Variants in DIAPH2 observed in about 807,000 individuals in gnomAD.
The protein encoded by DIAPH2 is diaphanous related formin 2, also known as protein diaphanous homolog 2.
In DIAPH2, 35 loss-of-function variants were observed where a neutral mutation model predicts 92.7. The observed-to-expected ratio is 0.38, with a 90% CI of 0.29 to 0.50. The LOEUF is 0.50. DIAPH2 is among the 20% of genes least tolerant of loss of function. DIAPH2 has a pLI of 0.94. For missense variants in DIAPH2, 701 were observed against 819.5 expected, an observed-to-expected ratio of 0.86 and a Z score of 1.77; for synonymous variants, 301 against 280.4, an observed-to-expected ratio of 1.07 and a Z score of -0.73.
intron 5 of DIAPH2, among the ~76,000 whole-genome samples, chrX:96,892,565 T>A (rs1223743556): frequency 8.9e-6 from 1 of 112,042 alleles, no homozygotes; most frequent in Non-Finnish European, 1.9e-5. Flanking sequence ...ATGGAAATTT[T>A]AATTATATAC....
At chrX:97,509,605 C>T (rs1223845265) in intron 26 of DIAPH2, among the ~76,000 whole-genome samples, 1 of 102,748 alleles carries the variant, frequency 9.7e-6, no homozygotes, top group African/African-American at 3.6e-5. Flanking sequence ...TGTGCTGCAC[C>T]CATTAACTCG....
At chrX:97,235,039 G>GA (rs1228918228) in intron 22 of DIAPH2, among the ~76,000 whole-genome samples, 1 of 112,386 alleles carries the variant, frequency 8.9e-6, no homozygotes, top group Non-Finnish European at 1.9e-5. Flanking sequence ...CAGAACACTT[G>GA]AAAGTCTCTG....
At chrX:97,338,436 T>A (rs950806568) in intron 23 of DIAPH2, among the ~76,000 whole-genome samples, 2 of 112,216 alleles carry the variant, frequency 1.8e-5, no homozygotes, top group Non-Finnish European at 3.8e-5. Context: ...GAAAAATTCA[T>A]GTTTTGTTTT....
At chrX:97,271,513 T>C (rs2068385943) in intron 23 of DIAPH2, among the ~76,000 whole-genome samples, 1 of 111,190 alleles carries the variant, frequency 9.0e-6, no homozygotes, top group African/African-American at 3.3e-5. Flanking sequence ...TACTGATCAG[T>C]CTTCAACTCT....
At chrX:97,339,273 G>C (rs964834497) in intron 23 of DIAPH2, among the ~76,000 whole-genome samples, 3 of 111,025 alleles carry the variant, frequency 2.7e-5, no homozygotes, top group Non-Finnish European at 5.7e-5. Context: ...AGCACTGAGA[G>C]GCCTGGGTGG....
intron 22 of DIAPH2, among the ~76,000 whole-genome samples, chrX:97,154,615 C>G (rs1234064940): frequency 1.8e-5 from 2 of 111,051 alleles, no homozygotes; most frequent in Non-Finnish European, 3.8e-5. Context: ...TAGTAACATA[C>G]ATTATGATGA....
intron 17 of DIAPH2, among the ~76,000 whole-genome samples, chrX:97,038,532 CT>C (rs756037796): frequency 0.012 from 1,163 of 94,453 alleles, 15 homozygotes; most frequent in African/African-American, 0.039. Flanking sequence ...TGTTTTTTGA[CT>C]TTTTTTTTTT....
intron 5 of DIAPH2, among the ~76,000 whole-genome samples, chrX:96,889,234 G>A (rs1469722486): frequency 1.8e-5 from 2 of 110,941 alleles, no homozygotes; most frequent in South Asian, 3.7e-4. Context: ...TTAAAAGATC[G>A]TCTGAAATTC....
chrX:97,312,109 T>A (rs1350062729), intron 23 of DIAPH2, among the ~76,000 whole-genome samples: 1 of 110,593 alleles, frequency 9.0e-6, no homozygotes, highest in Non-Finnish European at 1.9e-5. Flanking sequence ...ATTACAGGCG[T>A]GAGCCACCAT....
chrX:96,789,489 A>G (rs751675603), intron 4 of DIAPH2, among the ~76,000 whole-genome samples: 1 of 112,176 alleles, frequency 8.9e-6, no homozygotes. Flanking sequence ...GCCTTTCTAT[A>G]AATAGCAGTA....
intron 24 of DIAPH2, among the ~76,000 whole-genome samples, chrX:97,355,927 A>G (rs2069262370): frequency 8.9e-6 from 1 of 111,810 alleles, no homozygotes; most frequent in Non-Finnish European, 1.9e-5. Flanking sequence ...AAAACAGACA[A>G]AGCCCCTGCC....
rs752992736 is a variant in DIAPH2 at position 96,705,984 on chromosome X, C to T, written c.132+20794C>T. 3.6e-5 allele frequency among the ~76,000 whole-genome samples: 4 copies of T among 112,247 alleles called. No homozygotes were observed. In the East Asian group the frequency reaches 1.1e-3, roughly 31 times the overall value. On this transcript the variant is annotated intron_variant, in intron 1 of 26. Transcript: ENST00000324765. Reference sequence around the variant, plus strand: ...GGCAGCCCTGCAAGTCATACCTGGCCCATAGATTTGTTTGGTTTGGCTTTC... The same window carrying T: ...GGCAGCCCTGCAAGTCATACCTGGCTCATAGATTTGTTTGGTTTGGCTTTC...
chrX:96,907,960 C>T (rs774820700), intron 5 of DIAPH2, among the ~76,000 whole-genome samples: 38 of 111,627 alleles, frequency 3.4e-4, no homozygotes, highest in Non-Finnish European at 6.2e-4. Flanking sequence ...ATACATGCAA[C>T]GAAATGGTTG....
In DIAPH2 at chrX:97,216,181, A is replaced by G. The variant is rs985744124; in HGVS notation, c.2720-31534A>G. On this transcript the variant is annotated intron_variant, in intron 22 of 26. Coordinates refer to ENST00000324765, the MANE Select transcript of DIAPH2 (RefSeq NM_006729.5). ...ATTGAGGCCTTTGAGGCCTCAATTA[A>G]TGAATCTTCTGTGGGAAACATCTTT... Among the ~76,000 whole-genome samples, 38 of 112,457 alleles carry G rather than the reference A, an allele frequency of 3.4e-4. 1 individual carries two copies. Among genetic ancestry groups the G allele is most frequent in the South Asian group, 3.7e-4 (1 of 2,717 alleles).
intron 23 of DIAPH2, among the ~76,000 whole-genome samples, chrX:97,286,199 C>A (rs1260753514): frequency 9.3e-6 from 1 of 107,548 alleles, no homozygotes; most frequent in Admixed American, 1.0e-4. Context: ...CAGGCACACA[C>A]CACCATGCCC....
chrX:96,722,735 G>T (rs767799678), intron 1 of DIAPH2, among the ~76,000 whole-genome samples: 2 of 111,152 alleles, frequency 1.8e-5, no homozygotes, highest in Non-Finnish European at 3.8e-5. Flanking sequence ...AGAAATTATC[G>T]CACTATGATA....
At chrX:97,495,636 A>T (rs905329229) in intron 26 of DIAPH2, among the ~76,000 whole-genome samples, 2 of 112,233 alleles carry the variant, frequency 1.8e-5, no homozygotes, top group Non-Finnish European at 3.8e-5. Context: ...TTTATTAATG[A>T]ATATGATGGA....
chrX:96,856,478 TAC>T (rs1427700735), intron 4 of DIAPH2, among the ~76,000 whole-genome samples: 2 of 108,345 alleles, frequency 1.8e-5, no homozygotes, highest in Non-Finnish European at 3.8e-5. Context: ...TTACTGTGGT[TAC>T]ACTATCTTTA....
At chrX:97,454,802 C>T (rs978973454) in intron 26 of DIAPH2, among the ~76,000 whole-genome samples, 23 of 109,432 alleles carry the variant, frequency 2.1e-4, no homozygotes, top group African/African-American at 7.3e-4. Flanking sequence ...TTGCAGTGAG[C>T]CAAGATTGCA....
Sources: allele counts gnomAD v4.1 joint callset (sites outside exome capture counted in the v4.1 genomes callset), GRCh38; gene constraint gnomAD v4.1.1; transcripts MANE v1.5; gene names NCBI Gene and HGNC (gene_info 2026-07-23, HGNC 2026-07-21).